The following CCDC87 variants were observed in gnomAD, a reference collection of about 807,000 sequenced individuals.
CCDC87 encodes the protein coiled-coil domain containing 87.
For missense variants in CCDC87, 1,072 were observed against 1,041.7 expected (o/e 1.03, Z -0.40); for synonymous variants, 434 against 440.2 (o/e 0.99, Z 0.18).
rs1858341665 is a variant in CCDC87, at chr11:66,590,899, C to A, written c.2117G>T (p.Ser706Ile). Reference sequence around the variant, plus strand: ...CAGCTGCCTCAGGCGGGCTTTGGAGCTATATTTAATGGTCATGTCCACCTG... The same window carrying A: ...CAGCTGCCTCAGGCGGGCTTTGGAGATATATTTAATGGTCATGTCCACCTG... ...KDQVDMTIKYSSKARLRQLPS... is the reference protein window; with the variant it reads ...KDQVDMTIKYISKARLRQLPS... Residue 706 changes from serine to isoleucine, a missense_variant, in exon 1 of 1, where the codon AGC (serine) becomes ATC (isoleucine). Transcript: ENST00000333861. The A allele has an allele frequency of 6.2e-7, 1 of 1,613,722 alleles. No homozygotes were observed. The highest frequency in any genetic ancestry group is 8.5e-7 in the Non-Finnish European group (1 of 1,180,056).
rs1406422138 is a variant in CCDC87, at chr11:66,592,161, C to T, written c.855G>A (p.Ser285=). The change falls in exon 1 of 1, where the codon TCG becomes TCA. Residue 285 remains serine, a synonymous_variant. Coordinates refer to ENST00000333861, the MANE Select transcript of CCDC87 (RefSeq NM_018219.3). ...EIDISSSQMV[S]LPSYPVAPTS... The stretch of plus-strand genomic sequence containing the variant: ...TGGGGGCCACAGGATAGCTGGGCAG[C>T]GACACCATCTGTGAGGAACTGATGT... 4.4e-6 allele frequency: 7 copies of T among 1,587,644 alleles called. No homozygotes were observed. Among genetic ancestry groups the T allele is most frequent in the Middle Eastern group, 1.7e-4 (1 of 5,946 alleles).
Position 66,592,265 on chromosome 11 carries a change from C to T in CCDC87, c.751G>A (p.Glu251Lys), listed in dbSNP as rs1858381940. Residue 251 changes from glutamate to lysine, a missense_variant, in exon 1 of 1, where the codon GAA becomes AAA. Glu to Lys is a moderately conservative substitution (Grantham distance 56, BLOSUM62 1). Transcript: ENST00000333861. ...NEPGRMDPVK[E>K]LKSIPRLKRK... ...TTCAACCGAGGGATGGACTTCAATT[C>T]CTTCACTGGATCCATCCTTCCTGGC... 1 of 1,614,170 alleles carries T rather than the reference C, an allele frequency of 6.2e-7. No individual in the cohort carries two copies. The highest frequency in any genetic ancestry group is 8.5e-7 in the Non-Finnish European group (1 of 1,180,020).
chr11:66,591,399 T>C lies in CCDC87; in HGVS notation c.1617A>G (p.Gln539=), dbSNP rs1218640862. 1.9e-6 allele frequency: 3 copies of C among 1,614,150 alleles called. No individual in the cohort carries two copies. Among genetic ancestry groups the C allele is most frequent in the Non-Finnish European group, 2.5e-6 (3 of 1,180,026 alleles). ...GTCCAACCAGCTCAGGGTTGATGAT[T>C]TGAGGCTGTTTTTCTTGACGTAGAA... is the stretch of plus-strand genomic sequence containing the variant. ...SAFLRQEKQP[Q]IINPELVGLY... Residue 539 remains glutamine, a synonymous_variant, in exon 1 of 1, where the codon CAA becomes CAG. Coordinates refer to ENST00000333861, the MANE Select transcript of CCDC87 (RefSeq NM_018219.3).
chr11:66,590,649 C>T lies in CCDC87; in HGVS notation c.2367G>A (p.Glu789=). 12 of 1,614,076 alleles carry T rather than the reference C, an allele frequency of 7.4e-6. No individual in the cohort carries two copies. The highest frequency in any genetic ancestry group is 1.0e-5 in the Non-Finnish European group (12 of 1,179,928). Residue 789 remains glutamate, a synonymous_variant, in exon 1 of 1, where the codon GAG becomes GAA. Transcript: ENST00000333861. ...MESSLVSLLE[E]IELIFGEPVI... is the part of the protein sequence containing the mutation. ...CTGGCTCGCCAAAGATTAACTCTAT[C>T]TCCTCCAGGAGGGAAACCAAAGAAG...
rs1167911354 is a variant in CCDC87, at chr11:66,592,610, C to T, written c.406G>A (p.Val136Met). Residue 136 changes from valine (V) to methionine (M), a missense_variant, in exon 1 of 1, where the codon GTG becomes ATG. Coordinates refer to ENST00000333861, the MANE Select transcript of CCDC87 (RefSeq NM_018219.3). ...QLFLRYLHLL[V>M]TMSTPRGVFT... Reference sequence around the variant, plus strand: ...ACCCCCCTGGGAGTCGACATGGTCACCAGCAGGTGCAGGTAGCGCAAGAAG... The same window carrying T: ...ACCCCCCTGGGAGTCGACATGGTCATCAGCAGGTGCAGGTAGCGCAAGAAG... The T allele has an allele frequency of 6.2e-7, 1 of 1,613,806 alleles. No individual in the cohort carries two copies. The highest frequency in any genetic ancestry group is 8.5e-7 in the Non-Finnish European group (1 of 1,180,002).
In CCDC87 at chr11:66,592,829, C is replaced by T. The variant is rs1207164980; in HGVS notation, c.187G>A (p.Ala63Thr). Residue 63 changes from alanine to threonine, a missense_variant, in exon 1 of 1, where the codon GCC (alanine) becomes ACC (threonine). Physicochemically the swap from Ala to Thr is moderately conservative, Grantham distance 58 (BLOSUM62 0). Transcript: ENST00000333861. Reference protein sequence around the residue: ...LTVASLCSQVAKLLAGSGIAA... With the variant: ...LTVASLCSQVTKLLAGSGIAA... The stretch of plus-strand genomic sequence containing the variant: ...ATCCCGCTGCCGGCCAGCAGCTTGG[C>T]CACCTGGCTGCACAGCGACGCCACC... The T allele has an allele frequency of 1.3e-6, 2 of 1,592,886 alleles. No homozygotes were observed. Among genetic ancestry groups the T allele is most frequent in the South Asian group, 2.2e-5 (2 of 89,126 alleles).
In CCDC87 at chr11:66,592,853, C is replaced by A. The variant is rs946205685; in HGVS notation, c.163G>T (p.Val55Leu). The A allele has an allele frequency of 1.3e-6, 2 of 1,574,704 alleles. No individual in the cohort carries two copies. Among genetic ancestry groups the A allele is most frequent in the African/African-American group, 2.7e-5 (2 of 73,708 alleles). Residue 55 changes from valine (V) to leucine (L), a missense_variant, in exon 1 of 1, where the codon GTG (valine) becomes TTG (leucine). By Grantham distance (32) the Val-to-Leu change is conservative. Coordinates refer to ENST00000333861, the MANE Select transcript of CCDC87 (RefSeq NM_018219.3). The part of the protein sequence containing the change: ...LQSFPLAKLT[V>L]ASLCSQVAKL... The stretch of plus-strand genomic sequence containing the variant: ...GCCACCTGGCTGCACAGCGACGCCA[C>A]CGTCAGCTTCGCCAGAGGGAAGGAC...
Position 66,591,557 on chromosome 11 carries a change from C to A in CCDC87, c.1459G>T (p.Val487Phe). 1 of 1,614,190 alleles carries A rather than the reference C, an allele frequency of 6.2e-7. No homozygotes were observed. ...AIEKMDIDNF[V>F]GSTTREVYKE... is the part of the protein sequence containing the mutation. ...TAGACCTCCCTGGTAGTACTGCCAA[C>A]AAAGTTATCAATATCCATTTTTTCA... The change falls in exon 1 of 1, where the codon GTT becomes TTT. Residue 487 changes from valine to phenylalanine, a missense_variant. Transcript: ENST00000333861.
chr11:66,591,731 C>A lies in CCDC87; in HGVS notation c.1285G>T (p.Val429Leu), dbSNP rs775158538. ...TTTCTAAGCTTCAAAGTAATGGTCA[C>A]TGGCTGTGGGTGAAGTGGAAAGGAT... is the stretch of plus-strand genomic sequence containing the variant. Reference protein sequence around the residue: ...PKSFPLHPQPVTITLKLRNEV... With the variant: ...PKSFPLHPQPLTITLKLRNEV... The change falls in exon 1 of 1, where the codon GTG becomes TTG. Residue 429 changes from valine to leucine, a missense_variant. By Grantham distance (32) the Val-to-Leu change is conservative (BLOSUM62 1). Coordinates refer to ENST00000333861, the MANE Select transcript of CCDC87 (RefSeq NM_018219.3). 6 of 1,613,758 alleles carry A rather than the reference C, an allele frequency of 3.7e-6. No individual in the cohort carries two copies. Among genetic ancestry groups the A allele is most frequent in the Non-Finnish European group, 5.1e-6 (6 of 1,180,016 alleles).
At position 66,590,454 on chromosome 11, in the gene CCDC87, T is replaced by C. The variant is rs1253411964; in HGVS notation, c.*12A>G. On this transcript the variant is annotated 3_prime_UTR_variant, in exon 1 of 1. Coordinates refer to ENST00000333861, the MANE Select transcript of CCDC87 (RefSeq NM_018219.3). ...CCTGGTCAAGGAGTAATAGGGGTATTCCCAGGAGCTACTAAAGGCTGGCTG... is the reference window on the plus strand; with the variant it reads ...CCTGGTCAAGGAGTAATAGGGGTATCCCCAGGAGCTACTAAAGGCTGGCTG... The C allele has an allele frequency of 6.3e-7, 1 of 1,590,734 alleles. No individual in the cohort carries two copies. Among genetic ancestry groups the C allele is most frequent in the Non-Finnish European group, 8.6e-7 (1 of 1,168,112 alleles).
chr11:66,592,889 G>C lies in CCDC87; in HGVS notation c.127C>G (p.Arg43Gly), dbSNP rs755870174. 11 of 1,542,626 alleles carry C rather than the reference G, an allele frequency of 7.1e-6. No individual in the cohort carries two copies. The African/African-American group carries it at 1.1e-4, about 15-fold the overall frequency. ...EPQKRPPQEGRILQSFPLAKL... is the reference protein window; with the variant it reads ...EPQKRPPQEGGILQSFPLAKL... ...GCCAGAGGGAAGGACTGCAGAATCC[G>C]GCCCTCCTGCGGGGGGCGCTTCTGA... The change falls in exon 1 of 1, where the codon CGG becomes GGG. Residue 43 changes from arginine to glycine, a missense_variant. Coordinates refer to ENST00000333861, the MANE Select transcript of CCDC87 (RefSeq NM_018219.3).
chr11:66,592,903 G>A lies in CCDC87; in HGVS notation c.113C>T (p.Pro38Leu), dbSNP rs1389513879. 4.6e-6 allele frequency: 7 copies of A among 1,532,412 alleles called. No homozygotes were observed. The highest frequency in any genetic ancestry group is 6.1e-6 in the Non-Finnish European group (7 of 1,142,058). The allele number at this position is 1,532,412 out of a possible 1,614,324, so 94.9% of individuals were successfully genotyped here. ...RTTSPEPQKR[P>L]PQEGRILQSF... ...CTGCAGAATCCGGCCCTCCTGCGGGGGGCGCTTCTGAGGCTCTGGGGACGT... is the reference window on the plus strand; with the variant it reads ...CTGCAGAATCCGGCCCTCCTGCGGGAGGCGCTTCTGAGGCTCTGGGGACGT... Residue 38 changes from proline (P) to leucine (L), a missense_variant, in exon 1 of 1, where the codon CCC (proline) becomes CTC (leucine). Pro to Leu is a moderately conservative substitution (Grantham distance 98). Coordinates refer to ENST00000333861, the MANE Select transcript of CCDC87 (RefSeq NM_018219.3).
Position 66,591,749 on chromosome 11 carries a change from G to T in CCDC87, c.1267C>A (p.Pro423Thr), listed in dbSNP as rs1321849526. The T allele has an allele frequency of 6.2e-7, 1 of 1,613,564 alleles. No individual in the cohort carries two copies. The highest frequency in any genetic ancestry group is 2.2e-5 in the East Asian group (1 of 44,900). ...ATGGTCACTGGCTGTGGGTGAAGTG[G>T]AAAGGATTTGGGGGGCTGGGGGTCC... ...QWDPQPPKSF[P>T]LHPQPVTITL... Residue 423 changes from proline (P) to threonine (T), a missense_variant, in exon 1 of 1, where the codon CCA (proline) becomes ACA (threonine). Pro to Thr is a conservative substitution (Grantham distance 38). Coordinates refer to ENST00000333861, the MANE Select transcript of CCDC87 (RefSeq NM_018219.3).
Position 66,590,374 on chromosome 11 carries a change from GTCTAGATGAGC to G in CCDC87, c.*81_*91del. On this transcript the variant is annotated 3_prime_UTR_variant, in exon 1 of 1. Transcript: ENST00000333861. ...TTTCTTCTTCCAAAGCAGTAAAGAGGTCTAGATGAGCTGCTGGCCATTTAGGGGTGAGGGAG... is the reference window on the plus strand; with the variant it reads ...TTTCTTCTTCCAAAGCAGTAAAGAGGTGCTGGCCATTTAGGGGTGAGGGAG... 1.1e-6 allele frequency: 1 copy of G among 918,140 alleles called. No homozygotes were observed. The highest frequency in any genetic ancestry group is 1.7e-6 in the Non-Finnish European group (1 of 587,970). 56.9% of individuals were successfully genotyped at this position (918,140 alleles called of 1,614,324 possible).
Position 66,590,945 on chromosome 11 carries a change from G to T in CCDC87, c.2071C>A (p.Leu691Ile), listed in dbSNP as rs1489546568. The change falls in exon 1 of 1, where the codon CTT becomes ATT. Residue 691 changes from leucine (L) to isoleucine (I), a missense_variant. Physicochemically the swap from Leu to Ile is conservative, Grantham distance 5 (BLOSUM62 2). Coordinates refer to ENST00000333861, the MANE Select transcript of CCDC87 (RefSeq NM_018219.3). ...ACCTGGTCCTTGTCAGGGACCTCAA[G>T]CACAGACCACAGTTGTTCCAGATGC... is the stretch of plus-strand genomic sequence containing the variant. ...QKHLEQLWSV[L>I]EVPDKDQVDM... The T allele has an allele frequency of 6.2e-7, 1 of 1,613,626 alleles. No individual in the cohort carries two copies. The highest frequency in any genetic ancestry group is 8.5e-7 in the Non-Finnish European group (1 of 1,180,022).
Position 66,591,767 on chromosome 11 carries a change from GGGGGTCCCACTGCC to G in CCDC87, c.1235_1248del (p.Gly412AlafsTer20), listed in dbSNP as rs1051221128. On this transcript the variant is annotated frameshift_variant, in exon 1 of 1. Coordinates refer to ENST00000333861, the MANE Select transcript of CCDC87 (RefSeq NM_018219.3). LOFTEE classifies it low-confidence loss of function (END_TRUNC). ...TGAAGTGGAAAGGATTTGGGGGGCT[GGGGGTCCCACTGCC>G]CAGAGGCTTCTTCCTCCTGGAGGTT... is the stretch of plus-strand genomic sequence containing the variant. The G allele has an allele frequency of 6.2e-7, 1 of 1,613,478 alleles. No homozygotes were observed. Among genetic ancestry groups the G allele is most frequent in the African/African-American group, 1.3e-5 (1 of 75,046 alleles).
At position 66,592,660 on chromosome 11, in the gene CCDC87, T is replaced by C. The variant is rs756349522; in HGVS notation, c.356A>G (p.Tyr119Cys). 1.2e-6 allele frequency: 2 copies of C among 1,613,786 alleles called. No individual in the cohort carries two copies. Among genetic ancestry groups the C allele is most frequent in the East Asian group, 2.2e-5 (1 of 44,898 alleles). ...NQKLRKRLEAYVLLSSEQLFL... is the reference protein window; with the variant it reads ...NQKLRKRLEACVLLSSEQLFL... Reference sequence around the variant, plus strand: ...GAGCTGCTCGCTGCTCAGCAGCACGTAGGCCTCGAGCCGCTTCCGCAGCTT... The same window carrying C: ...GAGCTGCTCGCTGCTCAGCAGCACGCAGGCCTCGAGCCGCTTCCGCAGCTT... Residue 119 changes from tyrosine (Y) to cysteine (C), a missense_variant, in exon 1 of 1, where the codon TAC (tyrosine) becomes TGC (cysteine). By Grantham distance (194) the Tyr-to-Cys change is radical (BLOSUM62 -2). Coordinates refer to ENST00000333861, the MANE Select transcript of CCDC87 (RefSeq NM_018219.3).
At position 66,591,995 on chromosome 11, in the gene CCDC87, C is replaced by T; in HGVS notation, c.1021G>A (p.Ala341Thr). The T allele has an allele frequency of 1.9e-6, 3 of 1,613,918 alleles. No homozygotes were observed. The highest frequency in any genetic ancestry group is 2.5e-6 in the Non-Finnish European group (3 of 1,180,042). The stretch of plus-strand genomic sequence containing the variant: ...GTCAGCTCTGGTTTGCTCTCTGTAG[C>T]CAAGACCAGCGGGGTTAAGGGGCGA... Reference protein sequence around the residue: ...PSRPLTPLVLATESKPELTGL... With the variant: ...PSRPLTPLVLTTESKPELTGL... The change falls in exon 1 of 1, where the codon GCT becomes ACT. Residue 341 changes from alanine to threonine, a missense_variant. Ala to Thr is a moderately conservative substitution (Grantham distance 58). Coordinates refer to ENST00000333861, the MANE Select transcript of CCDC87 (RefSeq NM_018219.3).
chr11:66,593,061 A>C lies in CCDC87; in HGVS notation c.-46T>G. ...TCCAGGAACAGAAAGCCGAGGGGTTACTAAGGCAACCAGGAGCCCGACGGC... is the reference window on the plus strand; with the variant it reads ...TCCAGGAACAGAAAGCCGAGGGGTTCCTAAGGCAACCAGGAGCCCGACGGC... On this transcript the variant is annotated 5_prime_UTR_variant, in exon 1 of 1. Transcript: ENST00000333861. 6.7e-7 allele frequency: 1 copy of C among 1,491,190 alleles called. No individual in the cohort carries two copies. Among genetic ancestry groups the C allele is most frequent in the Non-Finnish European group, 8.9e-7 (1 of 1,120,124 alleles). The allele number at this position is 1,491,190 out of a possible 1,614,324, so 92.4% of individuals were successfully genotyped here.
Sources: allele counts gnomAD v4.1 joint callset, GRCh38; gene constraint gnomAD v4.1.1; transcripts MANE v1.5; gene names NCBI Gene and HGNC (gene_info 2026-07-23, HGNC 2026-07-21).